VCL: variants seen among roughly 807,000 people sequenced by gnomAD.
VCL encodes vinculin.
VCL carries 47 observed loss-of-function variants against 125.7 expected under a neutral mutation model. That is an observed-to-expected ratio of 0.37 (90% CI 0.30 to 0.48). The LOEUF is 0.48. Among genes scored for constraint, VCL ranks in the 20% least tolerant of loss-of-function variants. The pLI, the probability that VCL is intolerant of heterozygous loss-of-function variation, is 0.99. For synonymous variants in VCL, 458 were observed against 514.6 expected (o/e 0.89, Z 1.49); for missense variants, 1,069 against 1,455.5 (o/e 0.73, Z 4.32).
rs145537824 is a variant in VCL, at chr10:74,094,252, G to A, written c.1353-19G>A. The A allele has an allele frequency of 3.5e-4, 559 of 1,613,880 alleles. 3 individuals carry two copies. The African/African-American group carries it at 6.7e-3, about 19-fold the overall frequency. On this transcript the variant is annotated intron_variant, in intron 10 of 21. Transcript: ENST00000211998. Reference sequence around the variant, plus strand: ...AATAGTGTTTATGTGTGACAGGATGGCTGTCTTTTTCTCTGTAGGGGGAAA... The same window carrying A: ...AATAGTGTTTATGTGTGACAGGATGACTGTCTTTTTCTCTGTAGGGGGAAA...
At chr10:74,111,537 A>T (rs1840217699) in intron 18 of VCL, among the ~76,000 whole-genome samples, 1 of 152,072 alleles carries the variant, frequency 6.6e-6, no homozygotes, top group African/African-American at 2.4e-5. Flanking sequence ...ATTTGCTACT[A>T]TCGTTTGGTT....
rs149575091 is a variant in VCL, at chr10:74,034,498, G to T, written c.169-8585G>T. The stretch of plus-strand genomic sequence containing the variant: ...GTGAAACTTCCTGTACCTCACCTAC[G>T]CAGAGCAGAAACTTGGTTGTAACTC... On this transcript the variant is annotated intron_variant, in intron 1 of 21. Transcript: ENST00000211998. Among the ~76,000 whole-genome samples the T allele has an allele frequency of 6.9e-3, 1,044 of 152,204 alleles. 9 individuals carry two copies. Among genetic ancestry groups the T allele is most frequent in the African/African-American group, 0.022 (919 of 41,532 alleles).
intron 1 of VCL, among the ~76,000 whole-genome samples, chr10:74,042,416 T>C (rs1474565825): frequency 6.6e-6 from 1 of 152,244 alleles, no homozygotes; most frequent in East Asian, 1.9e-4. Context: ...GTATGACTTT[T>C]TTTATGTCCG....
intron 2 of VCL, among the ~76,000 whole-genome samples, chr10:74,050,726 G>A (rs1305854561): frequency 6.6e-6 from 1 of 152,042 alleles, no homozygotes. Context: ...TGTGATTTGT[G>A]TGTGTGTGTG....
chr10:74,066,388 AACATAGTAGCT>A (rs559394803), intron 2 of VCL, among the ~76,000 whole-genome samples: 138 of 152,236 alleles, frequency 9.1e-4, no homozygotes, highest in African/African-American at 3.2e-3. Flanking sequence ...AGGGGAATAC[AACATAGTAGCT>A]ACAGTTGTTA....
intron 1 of VCL, among the ~76,000 whole-genome samples, chr10:74,003,312 G>T (rs1436631193): frequency 6.6e-6 from 1 of 152,126 alleles, no homozygotes; most frequent in Non-Finnish European, 1.5e-5. Flanking sequence ...GTCAAGGGAA[G>T]GGTGGGAAAG....
intron 18 of VCL, among the ~76,000 whole-genome samples, chr10:74,110,361 G>T (rs2131935285): frequency 6.6e-6 from 1 of 152,294 alleles, no homozygotes; most frequent in East Asian, 1.9e-4. Flanking sequence ...CACATTACTT[G>T]CCCCACTCTG....
chr10:74,070,740 G>T lies in VCL; in HGVS notation c.310G>T (p.Ala104Ser). Residue 104 changes from alanine (A) to serine (S), a missense_variant, in exon 3 of 22, where the codon GCT becomes TCT. This residue lies in a region of VCL where 96 missense variants were observed against 137.6 expected (regional missense o/e 0.70). Transcript: ENST00000211998. ...MLQSDPYSVP[A>S]RDYLIDGSRG... ...TCAGTCAGACCCTTACTCAGTGCCT[G>T]CTCGAGATTATCTAATTGATGGGTC... 6.2e-7 allele frequency: 1 copy of T among 1,614,138 alleles called. No homozygotes were observed. Among genetic ancestry groups the T allele is most frequent in the Non-Finnish European group, 8.5e-7 (1 of 1,180,018 alleles).
At chr10:74,005,568 A>C (rs1439507348) in intron 1 of VCL, among the ~76,000 whole-genome samples, 1 of 152,068 alleles carries the variant, frequency 6.6e-6, no homozygotes, top group African/African-American at 2.4e-5. Context: ...AGACAGAGAT[A>C]TATTTTGTTC....
At position 74,091,932 on chromosome 10, in the gene VCL, C is replaced by T. The variant is rs929712087; in HGVS notation, c.1352+1734C>T. On this transcript the variant is annotated intron_variant, in intron 10 of 21. Coordinates refer to ENST00000211998, the MANE Select transcript of VCL (RefSeq NM_014000.3). ...TTTATTTATTTATTTATTTTTGAGA[C>T]GGAGTCTTGCTCTGCTGCCAGGCTG... is the stretch of plus-strand genomic sequence containing the variant. Among the ~76,000 whole-genome samples the T allele has an allele frequency of 3.3e-5, 5 of 151,282 alleles. No homozygotes were observed. The South Asian group carries it at 8.4e-4, about 25-fold the overall frequency.
At chr10:74,077,739 G>A (rs1458083392) in intron 6 of VCL, 4 of 455,420 alleles carry the variant, frequency 8.8e-6, no homozygotes, top group South Asian at 1.6e-5. Context: ...TAGAAAAGTG[G>A]GGGAAGAAAG....
intron 1 of VCL, among the ~76,000 whole-genome samples, chr10:74,007,078 G>A (rs1386766770): frequency 2.6e-5 from 4 of 152,046 alleles, no homozygotes; most frequent in East Asian, 1.9e-4. Context: ...TCCTCCCACC[G>A]CAGCCTCCCG....
rs1437591111 is a variant in VCL, at chr10:74,111,938, A to G, written c.2775A>G (p.Ile925Met). 1 of 1,614,128 alleles carries G rather than the reference A, an allele frequency of 6.2e-7. No homozygotes were observed. Among genetic ancestry groups the G allele is most frequent in the Admixed American group, 1.7e-5 (1 of 60,028 alleles). Reference protein sequence around the residue: ...KPGIPAAEVGIGVVAEADAAD... With the variant: ...KPGIPAAEVGMGVVAEADAAD... The stretch of plus-strand genomic sequence containing the variant: ...GCATCCCAGCCGCTGAGGTGGGTAT[A>G]GGTGTTGTAGCTGAGGCAGATGCGG... Residue 925 changes from isoleucine (I) to methionine (M), a missense_variant, in exon 19 of 22, where the codon ATA (isoleucine) becomes ATG (methionine). By Grantham distance (10) the Ile-to-Met change is conservative. Coordinates refer to ENST00000211998, the MANE Select transcript of VCL (RefSeq NM_014000.3).
chr10:74,008,335 C>G (rs1032030144), intron 1 of VCL, among the ~76,000 whole-genome samples: 3 of 152,104 alleles, frequency 2.0e-5, no homozygotes, highest in Admixed American at 6.6e-5. Flanking sequence ...CAAAAGTGTT[C>G]AGGCTATTTT....
Position 74,095,692 on chromosome 10 carries a change from A to C in VCL, c.1580A>C (p.His527Pro). The C allele has an allele frequency of 1.2e-6, 2 of 1,614,160 alleles. No individual in the cohort carries two copies. Among genetic ancestry groups the C allele is most frequent in the East Asian group, 4.5e-5 (2 of 44,884 alleles). Residue 527 changes from histidine to proline, a missense_variant, in exon 12 of 22, where the codon CAT becomes CCT. Physicochemically the swap from His to Pro is moderately conservative, Grantham distance 77. Around this residue, in one of 6 missense-constraint regions of VCL, gnomAD observed 760 missense variants for 928.9 expected, o/e 0.82. Transcript: ENST00000211998. ...ATCCGGGGGCTTGTGGCCGAAGGGC[A>C]TCGTCTGGCTAATGTTATGATGGGG... is the stretch of plus-strand genomic sequence containing the variant. The part of the protein sequence containing the change: ...AAIRGLVAEG[H>P]RLANVMMGPY...
In VCL at chr10:74,097,480, T is replaced by C; in HGVS notation, c.1872+148T>C. 8.4e-7 allele frequency: 1 copy of C among 1,185,482 alleles called. No individual in the cohort carries two copies. The highest frequency in any genetic ancestry group is 1.2e-5 in the South Asian group (1 of 80,364). 73.4% of individuals were successfully genotyped at this position (1,185,482 alleles called of 1,614,324 possible). ...GCAGAACAGGGAAAGCCCTACCACC[T>C]CTACTTTTAGTCTCCACGTATATCA... is the stretch of plus-strand genomic sequence containing the variant. On this transcript the variant is annotated intron_variant, in intron 13 of 21. Transcript: ENST00000211998. This position sits in a 1 kb window ranked among gnomAD's most constrained non-coding sequence, Gnocchi z 4.1.
chr10:74,106,788 C>T (rs1840142624), intron 16 of VCL, among the ~76,000 whole-genome samples: 1 of 152,218 alleles, frequency 6.6e-6, no homozygotes, highest in Admixed American at 6.5e-5. Flanking sequence ...TAAGGGTTAA[C>T]ATACTGAATG....
intron 18 of VCL, 113 bp from the exon 19 acceptor site, chr10:74,111,796 T>A (rs1342236501): frequency 1.7e-5 from 23 of 1,361,208 alleles, no homozygotes; most frequent in Non-Finnish European, 2.3e-5. Context: ...AACATGTTTC[T>A]TTCTCATCCT....
intron 1 of VCL, among the ~76,000 whole-genome samples, chr10:74,023,358 A>G (rs935073029): frequency 5.3e-5 from 8 of 152,250 alleles, no homozygotes; most frequent in Non-Finnish European, 1.2e-4. Flanking sequence ...CTCGGCATGT[A>G]GTAGGCTATA....
Sources: allele counts gnomAD v4.1 joint callset (sites outside exome capture counted in the v4.1 genomes callset), GRCh38; gene constraint gnomAD v4.1.1; regional missense constraint gnomAD v4.1.1; non-coding constraint Gnocchi (gnomAD v3.1); transcripts MANE v1.5; gene names NCBI Gene and HGNC (gene_info 2026-07-23, HGNC 2026-07-21).